The following BNC2 variants were observed in gnomAD, a reference collection of about 807,000 sequenced individuals.
BNC2 encodes basonuclin zinc finger protein 2.
A neutral mutation model predicts 76.3 loss-of-function variants in BNC2; 20 were observed. The ratio of observed to expected loss-of-function variants is 0.26; its 90% CI spans 0.18 to 0.38. BNC2 has a LOEUF of 0.38. BNC2 is among the 10% of genes least tolerant of loss of function. The pLI, the probability that BNC2 is intolerant of heterozygous loss-of-function variation, is 1.00. For synonymous variants in BNC2, 582 were observed against 514.8 expected (o/e 1.13, Z -1.77); for missense variants, 1,382 against 1,399.8 (o/e 0.99, Z 0.20).
intron 4 of BNC2, among the ~76,000 whole-genome samples, chr9:16,574,984 T>C (rs1224610818): frequency 6.6e-6 from 1 of 152,196 alleles, no homozygotes; most frequent in African/African-American, 2.4e-5. Flanking sequence ...GTCTATCATG[T>C]CCACAGTGTT....
intron 2 of BNC2, among the ~76,000 whole-genome samples, chr9:16,731,942 A>G (rs1824515679): frequency 6.6e-6 from 1 of 152,116 alleles, no homozygotes; most frequent in Non-Finnish European, 1.5e-5. Flanking sequence ...TGTACCCTCA[A>G]TGAGATCCAA....
At chr9:16,587,247 T>A (rs181471710) in intron 3 of BNC2, among the ~76,000 whole-genome samples, 2 of 148,108 alleles carry the variant, frequency 1.4e-5, no homozygotes, top group Non-Finnish European at 3.0e-5. Flanking sequence ...AGAGTCTAGC[T>A]CTGTCACCCA....
At position 16,436,405 on chromosome 9, in the gene BNC2, T is replaced by G; in HGVS notation, c.1789A>C (p.Thr597Pro). ...TSLPTSPIIPTSGTIEQHPPP... is the reference protein window; with the variant it reads ...TSLPTSPIIPPSGTIEQHPPP... ...GGGTGCTGCTCTATGGTACCACTGG[T>G]TGGAATGATGGGACTGGTTGGGAGG... is the stretch of plus-strand genomic sequence containing the variant. The change falls in exon 6 of 7, where the codon ACC becomes CCC. Residue 597 changes from threonine to proline, a missense_variant. By Grantham distance (38) the Thr-to-Pro change is conservative. Around this residue, in one of 3 missense-constraint regions of BNC2, gnomAD observed 798 missense variants for 775.5 expected, o/e 1.03. Transcript: ENST00000380672. 1 of 1,613,946 alleles carries G rather than the reference T, an allele frequency of 6.2e-7. No individual in the cohort carries two copies. Among genetic ancestry groups the G allele is most frequent in the African/African-American group, 1.3e-5 (1 of 74,960 alleles).
At chr9:16,780,272 GAAACTAATAA>G (rs1329269805) in intron 1 of BNC2, among the ~76,000 whole-genome samples, 2 of 122,438 alleles carry the variant, frequency 1.6e-5, no homozygotes, top group Non-Finnish European at 3.4e-5. Context: ...AAAAACTACT[GAAACTAATAA>G]AAACATCTTG....
In BNC2 at chr9:16,415,159, T is replaced by C. The variant is rs1361144208; in HGVS notation, c.*3830A>G. On this transcript the variant is annotated 3_prime_UTR_variant, in exon 7 of 7. Transcript: ENST00000380672. ...GCTGAACAGGGCAGCTGGACTAAGATCTGGAATGAGTTACATTGGGTTGAC... is the reference window on the plus strand; with the variant it reads ...GCTGAACAGGGCAGCTGGACTAAGACCTGGAATGAGTTACATTGGGTTGAC... 1.3e-5 allele frequency: 2 copies of C among 152,228 alleles called. No individual in the cohort carries two copies. Among genetic ancestry groups the C allele is most frequent in the Non-Finnish European group, 2.9e-5 (2 of 68,028 alleles). The allele number at this position is 152,228 out of a possible 1,614,324, so 9.4% of individuals were successfully genotyped here. A position where few individuals can be genotyped will look rare whatever the true frequency, so the allele number is the denominator to read the frequency against.
chr9:16,853,809 A>C (rs1180005792), intron 1 of BNC2, among the ~76,000 whole-genome samples: 1 of 152,226 alleles, frequency 6.6e-6, no homozygotes, highest in Non-Finnish European at 1.5e-5. Flanking sequence ...CAGAGGTTGC[A>C]GTGAGCCAAG....
chr9:16,577,573 G>C (rs1480227478), intron 4 of BNC2, among the ~76,000 whole-genome samples: 2 of 151,992 alleles, frequency 1.3e-5, no homozygotes, highest in Non-Finnish European at 2.9e-5. Flanking sequence ...GGATGATGTA[G>C]ACCAGGTCTG....
chr9:16,553,903 G>A (rs765989501), intron 4 of BNC2, among the ~76,000 whole-genome samples: 4 of 152,102 alleles, frequency 2.6e-5, no homozygotes, highest in Non-Finnish European at 4.4e-5. Context: ...CGAGTGAGAG[G>A]CACTCTAAAC....
At chr9:16,488,093 A>C (rs1353732077) in intron 5 of BNC2, among the ~76,000 whole-genome samples, 1 of 152,196 alleles carries the variant, frequency 6.6e-6, no homozygotes, top group Non-Finnish European at 1.5e-5. Flanking sequence ...CATAGCATGC[A>C]AAAAGGCACC....
intron 1 of BNC2, among the ~76,000 whole-genome samples, chr9:16,827,904 CA>C (rs1586916308): frequency 1.3e-5 from 2 of 152,136 alleles, no homozygotes. Context: ...CCCATTCATC[CA>C]AAAAACATTT....
chr9:16,828,557 G>GTCCC (rs1441005894), intron 1 of BNC2, among the ~76,000 whole-genome samples: 3 of 152,158 alleles, frequency 2.0e-5, no homozygotes, highest in Non-Finnish European at 2.9e-5. Context: ...AAAGACAGCA[G>GTCCC]ACTACGGTCC....
At chr9:16,634,593 C>T (rs1003740334) in intron 3 of BNC2, among the ~76,000 whole-genome samples, 1 of 151,448 alleles carries the variant, frequency 6.6e-6, no homozygotes, top group African/African-American at 2.4e-5. Flanking sequence ...GCTCTGCCTC[C>T]CGGATTCACA....
At position 16,731,504 on chromosome 9, in the gene BNC2, T is replaced by C. The variant is rs1040538316; in HGVS notation, c.130-3507A>G. Reference sequence around the variant, plus strand: ...ACAAAGTAAGAAACTCAAAAGCATTTTACAATGGTAAAATAGATTGGAGAA... The same window carrying C: ...ACAAAGTAAGAAACTCAAAAGCATTCTACAATGGTAAAATAGATTGGAGAA... On this transcript the variant is annotated intron_variant, in intron 2 of 6. Coordinates refer to ENST00000380672, the MANE Select transcript of BNC2 (RefSeq NM_017637.6). Among the ~76,000 whole-genome samples the C allele has an allele frequency of 3.9e-5, 6 of 152,146 alleles. 1 individual carries two copies. Among genetic ancestry groups the C allele is most frequent in the Non-Finnish European group, 7.4e-5 (5 of 68,024 alleles).
chr9:16,419,530 A>T lies in BNC2; in HGVS notation c.2759T>A (p.Ile920Lys). ...CCCCATGGGGTGCTGGGCACCATAT[A>T]TCTTCACCAAAAATTCATCGCGGAG... is the stretch of plus-strand genomic sequence containing the variant. The part of the protein sequence containing the change: ...KDLRDEFLVK[I>K]YGAQHPMGLD... Residue 920 changes from isoleucine (I) to lysine (K), a missense_variant, in exon 7 of 7, where the codon ATA (isoleucine) becomes AAA (lysine). Ile to Lys is a moderately radical substitution (Grantham distance 102). Around this residue, in one of 3 missense-constraint regions of BNC2, gnomAD observed 798 missense variants for 775.5 expected, o/e 1.03. Coordinates refer to ENST00000380672, the MANE Select transcript of BNC2 (RefSeq NM_017637.6). 2 of 1,614,066 alleles carry T rather than the reference A, an allele frequency of 1.2e-6. No individual in the cohort carries two copies. The highest frequency in any genetic ancestry group is 1.7e-6 in the Non-Finnish European group (2 of 1,179,992).
intron 3 of BNC2, among the ~76,000 whole-genome samples, chr9:16,697,948 A>G (rs1199072621): frequency 3.3e-5 from 5 of 152,210 alleles, no homozygotes; most frequent in Non-Finnish European, 7.3e-5. Context: ...AAAGCAGTTT[A>G]CAGCAAACTA....
intron 6 of BNC2, among the ~76,000 whole-genome samples, chr9:16,422,045 A>G (rs1340309354): frequency 6.6e-6 from 1 of 152,218 alleles, no homozygotes; most frequent in Non-Finnish European, 1.5e-5. Flanking sequence ...ATAAGGAAGA[A>G]TAAATTAACA....
At chr9:16,736,665 G>A (rs1398609276) in intron 2 of BNC2, among the ~76,000 whole-genome samples, 1 of 151,642 alleles carries the variant, frequency 6.6e-6, no homozygotes, top group African/African-American at 2.4e-5. Flanking sequence ...TAGTAGAGAC[G>A]GGGTTTCAAC....
intron 1 of BNC2, among the ~76,000 whole-genome samples, chr9:16,757,406 T>C (rs1451777191): frequency 1.3e-5 from 2 of 152,180 alleles, no homozygotes; most frequent in African/African-American, 2.4e-5. Context: ...GTCCAGCTTA[T>C]CAAGACAGAG....
At chr9:16,622,751 T>C (rs531619272) in intron 3 of BNC2, among the ~76,000 whole-genome samples, 2 of 152,274 alleles carry the variant, frequency 1.3e-5, no homozygotes, top group African/African-American at 4.8e-5. Context: ...AGGGTATTTT[T>C]AGAAGCCTGT....
Sources: gnomAD v4.1 joint callset for allele counts (sites outside exome capture counted in the v4.1 genomes callset) on GRCh38, gnomAD v4.1.1 for gene constraint, gnomAD v4.1.1 regional missense constraint, MANE v1.5 for transcripts, NCBI Gene and HGNC (gene_info 2026-07-23, HGNC 2026-07-21) for gene names.